SLC25A31: variants seen among roughly 807,000 people sequenced by gnomAD.
The protein encoded by SLC25A31 is ADP/ATP translocase 4.
A neutral mutation model predicts 36.2 loss-of-function variants in SLC25A31; 40 were observed. The ratio of observed to expected loss-of-function variants is 1.10; its 90% CI spans 0.86 to 1.44. The LOEUF is 1.44. Among genes scored for constraint, SLC25A31 ranks in the 40% most tolerant of loss-of-function variants. The probability of loss-of-function intolerance (pLI) is 0.00; values close to 1 mark genes in which losing one functional copy is unlikely to be tolerated. For missense variants in SLC25A31, 350 were observed against 397.1 expected, an observed-to-expected ratio of 0.88 and a Z score of 1.01; for synonymous variants, 143 against 149.7, an observed-to-expected ratio of 0.96 and a Z score of 0.32.
intron 3 of SLC25A31, among the ~76,000 whole-genome samples, chr4:127,765,610 C>T (rs1176983118): frequency 6.6e-6 from 1 of 151,952 alleles, no homozygotes; most frequent in Non-Finnish European, 1.5e-5. Context: ...TATTCACACC[C>T]CACCCCCCAT....
intron 1 of SLC25A31, among the ~76,000 whole-genome samples, chr4:127,742,142 A>G (rs182496864): frequency 2.6e-5 from 4 of 152,260 alleles, no homozygotes; most frequent in Admixed American, 2.6e-4. Context: ...TTATTTTTGT[A>G]GTCTCTATTT....
chr4:127,741,716 A>G (rs1354527461), intron 1 of SLC25A31, among the ~76,000 whole-genome samples: 1 of 152,122 alleles, frequency 6.6e-6, no homozygotes, highest in Non-Finnish European at 1.5e-5. Flanking sequence ...TACCGGGGTA[A>G]TGTTGGCCTT....
intron 1 of SLC25A31, among the ~76,000 whole-genome samples, chr4:127,743,326 C>T (rs577707676): frequency 8.8e-4 from 133 of 151,980 alleles, no homozygotes; most frequent in South Asian, 5.6e-3. Context: ...TGTAGAGATG[C>T]GGTCTCACAA....
At chr4:127,744,065 A>G (rs988163966) in intron 1 of SLC25A31, among the ~76,000 whole-genome samples, 8 of 152,184 alleles carry the variant, frequency 5.3e-5, no homozygotes, top group Admixed American at 2.0e-4. Context: ...GGGTTGGTCA[A>G]TCCCTGGAGA....
At chr4:127,766,943 G>A (rs1456241149) in intron 3 of SLC25A31, 123 bp from the exon 4 acceptor site, 2 of 768,732 alleles carry the variant, frequency 2.6e-6, no homozygotes, top group Non-Finnish European at 1.9e-6. Flanking sequence ...TTTGATTTGT[G>A]CCTTCTTTGT....
intron 3 of SLC25A31, among the ~76,000 whole-genome samples, chr4:127,765,508 C>G (rs1458112717): frequency 1.3e-5 from 2 of 152,054 alleles, no homozygotes; most frequent in East Asian, 1.9e-4. Context: ...TACAGAGATT[C>G]ATTCAACAAA....
At chr4:127,733,452 T>C (rs557841516) in intron 1 of SLC25A31, among the ~76,000 whole-genome samples, 3 of 152,334 alleles carry the variant, frequency 2.0e-5, no homozygotes, top group Non-Finnish European at 4.4e-5. Flanking sequence ...TTTTGGATTT[T>C]TGGATTAGTG....
intron 2 of SLC25A31, among the ~76,000 whole-genome samples, chr4:127,753,369 G>T (rs1029036803): frequency 6.6e-6 from 1 of 151,888 alleles, no homozygotes; most frequent in Non-Finnish European, 1.5e-5. Context: ...AGAGATAAAA[G>T]ATTTTTAAAA....
intron 3 of SLC25A31, among the ~76,000 whole-genome samples, chr4:127,765,954 T>C (rs1578671610): frequency 1.3e-5 from 2 of 152,266 alleles, no homozygotes; most frequent in East Asian, 3.9e-4. Context: ...TAGTTTATTT[T>C]TGGAAGATTA....
chr4:127,755,266 C>T (rs1027324554), intron 2 of SLC25A31, among the ~76,000 whole-genome samples: 3 of 152,014 alleles, frequency 2.0e-5, no homozygotes, highest in African/African-American at 7.3e-5. Context: ...AAAAGCAAAA[C>T]TTATAGACAG....
chr4:127,745,675 T>C (rs1731811838), intron 2 of SLC25A31, among the ~76,000 whole-genome samples: 1 of 152,176 alleles, frequency 6.6e-6, no homozygotes, highest in Non-Finnish European at 1.5e-5. Flanking sequence ...GTTCATTGAA[T>C]GTTTTGCCCT....
At chr4:127,750,360 A>C (rs1280819444) in intron 2 of SLC25A31, among the ~76,000 whole-genome samples, 3 of 152,232 alleles carry the variant, frequency 2.0e-5, no homozygotes. Flanking sequence ...TTGATTATAT[A>C]GTCAAAAATC....
intron 3 of SLC25A31, among the ~76,000 whole-genome samples, chr4:127,765,370 C>T (rs997325814): frequency 7.2e-5 from 11 of 152,098 alleles, no homozygotes; most frequent in African/African-American, 2.4e-5. Flanking sequence ...GGTGAATTAC[C>T]ACTCCTCCCT....
chr4:127,767,085 CA>C lies in SLC25A31; in HGVS notation c.500del (p.Lys167ArgfsTer3). ...TTTTAGGTCCTGAGGAGCGACAATTCAAGGGTTTAGGTGACTGTATTATGAA... is the reference window on the plus strand; with the variant it reads ...TTTTAGGTCCTGAGGAGCGACAATTCAGGGTTTAGGTGACTGTATTATGAA... ...IGKGPEERQFKGLGDCIMKIA... is the reference protein window; with the variant it reads ...IGKGPEERQFXGLGDCIMKIA... On this transcript the variant is annotated frameshift_variant, in exon 4 of 6. Transcript: ENST00000281154. LOFTEE classifies it high-confidence loss of function. 1 of 1,610,500 alleles carries C rather than the reference CA, an allele frequency of 6.2e-7. No homozygotes were observed. The highest frequency in any genetic ancestry group is 8.5e-7 in the Non-Finnish European group (1 of 1,178,710).
intron 1 of SLC25A31, among the ~76,000 whole-genome samples, chr4:127,740,955 G>T (rs1393548669): frequency 2.6e-5 from 4 of 152,140 alleles, no homozygotes; most frequent in Admixed American, 2.6e-4. Context: ...AAACTTTTTG[G>T]CGTACAGATC....
At chr4:127,744,648 G>A in intron 1 of SLC25A31, 24 bp from the exon 2 acceptor site, 1 of 1,571,282 alleles carries the variant, frequency 6.4e-7, no homozygotes, top group South Asian at 1.2e-5. Context: ...GTAGGTTTAT[G>A]TATTTATATG....
intron 1 of SLC25A31, among the ~76,000 whole-genome samples, chr4:127,733,142 G>GCTAC (rs1731561215): frequency 6.6e-6 from 1 of 152,132 alleles, no homozygotes; most frequent in Non-Finnish European, 1.5e-5. Flanking sequence ...CAGTAATGCA[G>GCTAC]CTACCATATA....
intron 2 of SLC25A31, among the ~76,000 whole-genome samples, chr4:127,764,037 T>C (rs1732191923): frequency 6.6e-6 from 1 of 152,226 alleles, no homozygotes; most frequent in South Asian, 2.1e-4. Context: ...CTAAACTGTG[T>C]CTTCCAGACT....
intron 1 of SLC25A31, among the ~76,000 whole-genome samples, chr4:127,735,880 A>ATTTTTTTTTTTT (rs1345012855): frequency 1.4e-5 from 1 of 70,032 alleles, no homozygotes; most frequent in African/African-American, 5.2e-5. Flanking sequence ...TTATTTATTT[A>ATTTTTTTTTTTT]TTTATTTATT....
Sources: gnomAD v4.1 joint callset for allele counts (sites outside exome capture counted in the v4.1 genomes callset) on GRCh38, gnomAD v4.1.1 for gene constraint, MANE v1.5 for transcripts, NCBI Gene and HGNC (gene_info 2026-07-23, HGNC 2026-07-21) for gene names.